METTL9: variants seen among roughly 807,000 people sequenced by gnomAD.
METTL9 encodes protein-L-histidine N-pros-methyltransferase.
A neutral mutation model predicts 36.0 loss-of-function variants in METTL9; 10 were observed. The ratio of observed to expected loss-of-function variants is 0.28; its 90% CI spans 0.17 to 0.47. The LOEUF is 0.47. METTL9 is among the 20% of genes least tolerant of loss of function. The pLI, the probability that METTL9 is intolerant of heterozygous loss-of-function variation, is 0.99. For missense variants in METTL9, 246 were observed against 383.5 expected (o/e 0.64, Z 3.00); for synonymous variants, 175 against 149.7 (o/e 1.17, Z -1.23).
intron 4 of METTL9, among the ~76,000 whole-genome samples, chr16:21,636,952 T>C (rs932273196): frequency 2.0e-5 from 3 of 152,200 alleles, no homozygotes; most frequent in African/African-American, 7.2e-5. Flanking sequence ...CGCCAAAATG[T>C]GTCTGGAATT....
intron 1 of METTL9, 113 bp downstream of exon 1, chr16:21,600,011 C>G (rs1479632445): frequency 1.1e-6 from 1 of 932,606 alleles, no homozygotes; most frequent in Admixed American, 4.7e-5. Context: ...CCTCGCCCCT[C>G]CGCCTCGGCC....
chr16:21,633,766 C>A (rs540141119), intron 4 of METTL9, among the ~76,000 whole-genome samples: 1 of 152,174 alleles, frequency 6.6e-6, no homozygotes, highest in African/African-American at 2.4e-5. Context: ...CCATACTAAG[C>A]CTTGAGCTTT....
intron 4 of METTL9, among the ~76,000 whole-genome samples, chr16:21,637,165 T>C (rs1325119614): frequency 6.6e-6 from 1 of 152,188 alleles, no homozygotes; most frequent in African/African-American, 2.4e-5. Context: ...TTTTATTCCC[T>C]TATCTGGCCC....
At chr16:21,607,758 C>A (rs568285301) in intron 1 of METTL9, among the ~76,000 whole-genome samples, 18 of 152,280 alleles carry the variant, frequency 1.2e-4, no homozygotes, top group African/African-American at 3.9e-4. Flanking sequence ...GTAGAGTGGG[C>A]GTGTAGTCCT....
chr16:21,643,037 T>C, intron 4 of METTL9: 1 of 1,396,660 alleles, frequency 7.2e-7, no homozygotes, highest in Non-Finnish European at 1.0e-6. Flanking sequence ...GTGCTTTATA[T>C]CTGTATTTAC....
chr16:21,617,420 C>CA (rs774322535), intron 2 of METTL9, among the ~76,000 whole-genome samples: 53 of 59,710 alleles, frequency 8.9e-4, no homozygotes, highest in South Asian at 3.2e-3. Context: ...GACTCTGTCT[C>CA]AAAAAAAAAA....
intron 4 of METTL9, chr16:21,641,400 C>A (rs1486632484): frequency 4.2e-6 from 2 of 472,910 alleles, no homozygotes; most frequent in Non-Finnish European, 7.6e-6. Context: ...TACATTCTGA[C>A]ATCCTTCTTT....
Position 21,609,428 on chromosome 16 carries a change from C to T in METTL9, c.166-3217C>T, listed in dbSNP as rs73545886. ...TGCGATTGTCTACAATTATTCAATT[C>T]AGAGATTGTAAATATTACCAAAGGG... is the stretch of plus-strand genomic sequence containing the variant. On this transcript the variant is annotated intron_variant, in intron 1 of 4. Transcript: ENST00000358154. 4.1e-3 allele frequency among the ~76,000 whole-genome samples: 622 copies of T among 152,206 alleles called. 9 individuals are homozygous for T. Among genetic ancestry groups the T allele is most frequent in the African/African-American group, 0.014 (583 of 41,514 alleles).
In METTL9 at chr16:21,648,747, G is replaced by GT. The variant is rs559022191; in HGVS notation, c.752-6475dup. 3.0e-3 allele frequency among the ~76,000 whole-genome samples: 464 copies of GT among 152,342 alleles called. 4 individuals are homozygous for GT. Among genetic ancestry groups the GT allele is most frequent in the African/African-American group, 0.01 (416 of 41,580 alleles). ...GTTGAGACAAATTGGAATTTGTCAA[G>GT]TTTTTGGTCTGAGTTCCGCCTGGTC... On this transcript the variant is annotated intron_variant, in intron 4 of 4. Coordinates refer to ENST00000358154, the MANE Select transcript of METTL9 (RefSeq NM_016025.5).
chr16:21,634,695 T>TA (rs1185439453), intron 4 of METTL9, among the ~76,000 whole-genome samples: 3 of 152,174 alleles, frequency 2.0e-5, no homozygotes, highest in South Asian at 4.1e-4. Context: ...TTTCTCCTGA[T>TA]ATCTGCAGCC....
At chr16:21,637,728 C>T (rs970771562) in intron 4 of METTL9, among the ~76,000 whole-genome samples, 4 of 152,248 alleles carry the variant, frequency 2.6e-5, no homozygotes, top group Non-Finnish European at 2.9e-5. Context: ...CAGCCCGGCT[C>T]CTGCCCGTGC....
chr16:21,647,443 T>C (rs749563320), intron 4 of METTL9: 8 of 1,614,026 alleles, frequency 5.0e-6, no homozygotes, highest in Non-Finnish European at 5.1e-6. Context: ...TGTAGTCCAC[T>C]TCTAGGTACC....
chr16:21,598,928 C>T (rs2152891482), upstream of METTL9, among the ~76,000 whole-genome samples: 1 of 152,298 alleles, frequency 6.6e-6, no homozygotes, highest in East Asian at 1.9e-4. Context: ...TTTATAGAAA[C>T]ACGTAGCCAG....
chr16:21,617,406 G>A (rs1965579728), intron 2 of METTL9, among the ~76,000 whole-genome samples: 1 of 134,352 alleles, frequency 7.4e-6, no homozygotes, highest in African/African-American at 2.9e-5. Context: ...CGACGGCAGA[G>A]CGAGACTCTG....
intron 1 of METTL9, among the ~76,000 whole-genome samples, chr16:21,600,811 A>G (rs1012051582): frequency 6.6e-6 from 1 of 152,218 alleles, no homozygotes; most frequent in Non-Finnish European, 1.5e-5. Flanking sequence ...GAACTCTGCC[A>G]GAGTGTTGGC....
intron 4 of METTL9, among the ~76,000 whole-genome samples, chr16:21,632,757 A>T (rs1305589972): frequency 1.3e-5 from 2 of 152,102 alleles, no homozygotes; most frequent in Admixed American, 6.5e-5. Flanking sequence ...TGACACTAAG[A>T]TGGCCACCGC....
intron 4 of METTL9, among the ~76,000 whole-genome samples, chr16:21,643,840 A>G (rs1204517050): frequency 6.6e-6 from 1 of 152,218 alleles, no homozygotes; most frequent in Non-Finnish European, 1.5e-5. Context: ...TCTTATACAC[A>G]TAGCCAAAAG....
At chr16:21,648,631 GAA>G (rs916341935) in intron 4 of METTL9, among the ~76,000 whole-genome samples, 2 of 152,232 alleles carry the variant, frequency 1.3e-5, no homozygotes, top group Non-Finnish European at 2.9e-5. Context: ...CCAGGCATGT[GAA>G]GCTGGAAAGC....
Position 21,647,123 on chromosome 16 carries a change from G to C in METTL9, c.752-8104G>C, listed in dbSNP as rs140742307. 1.2e-5 allele frequency: 19 copies of C among 1,614,102 alleles called. No individual in the cohort carries two copies. In the African/African-American group the frequency reaches 1.7e-4, roughly 15 times the overall value. On this transcript the variant is annotated intron_variant, in intron 4 of 4. Coordinates refer to ENST00000358154, the MANE Select transcript of METTL9 (RefSeq NM_016025.5). ...CAATGATGCACTGAAATAAAGCCTC[G>C]CTGACTGACCTCTTACCACCAGTGT...
Sources: allele counts gnomAD v4.1 joint callset (sites outside exome capture counted in the v4.1 genomes callset), GRCh38; gene constraint gnomAD v4.1.1; transcripts MANE v1.5; gene names NCBI Gene and HGNC (gene_info 2026-07-23, HGNC 2026-07-21).